XRN2: variants seen among roughly 807,000 people sequenced by gnomAD.
XRN2 encodes the protein DHM1-like protein.
In XRN2, 44 loss-of-function variants were observed where a neutral mutation model predicts 138.5. That is an observed-to-expected ratio of 0.32 (90% CI 0.25 to 0.41). The LOEUF (loss-of-function observed/expected upper bound fraction) is 0.41, where lower values mean the gene tolerates loss of function less well. XRN2 is among the 10% of genes least tolerant of loss of function. The probability of loss-of-function intolerance (pLI) is 1.00; values close to 1 mark genes in which losing one functional copy is unlikely to be tolerated. For synonymous variants in XRN2, 354 were observed against 369.4 expected, an observed-to-expected ratio of 0.96 and a Z score of 0.48; for missense variants, 937 against 1,169.3, an observed-to-expected ratio of 0.80 and a Z score of 2.90.
chr20:21,375,211 T>C (rs1261623533), intron 27 of XRN2, among the ~76,000 whole-genome samples: 3 of 151,416 alleles, frequency 2.0e-5, no homozygotes, highest in Non-Finnish European at 4.4e-5. Flanking sequence ...AGAACCTATT[T>C]AATTTTATTG....
At chr20:21,314,695 A>T (rs1387522659) in intron 1 of XRN2, among the ~76,000 whole-genome samples, 2 of 151,470 alleles carry the variant, frequency 1.3e-5, no homozygotes, top group Non-Finnish European at 2.9e-5. Flanking sequence ...TGTGTTGCCT[A>T]CTGGTCTTGA....
intron 14 of XRN2, among the ~76,000 whole-genome samples, chr20:21,340,312 T>C (rs928251324): frequency 1.1e-4 from 17 of 152,138 alleles, no homozygotes; most frequent in Non-Finnish European, 2.4e-4. Flanking sequence ...AATAAATAAA[T>C]TTAAAAAGTT....
At chr20:21,350,558 T>G (rs1033687238) in intron 20 of XRN2, among the ~76,000 whole-genome samples, 3 of 93,928 alleles carry the variant, frequency 3.2e-5, no homozygotes, top group Non-Finnish European at 6.7e-5. Flanking sequence ...AAAAAAGAAA[T>G]ATCTCTTACA....
At chr20:21,357,205 C>T (rs1187535232) in intron 23 of XRN2, among the ~76,000 whole-genome samples, 2 of 152,008 alleles carry the variant, frequency 1.3e-5, no homozygotes, top group African/African-American at 2.4e-5. Context: ...TAAATATAAC[C>T]ACTATAAACA....
chr20:21,349,056 C>T (rs2038473727), intron 19 of XRN2, among the ~76,000 whole-genome samples: 1 of 152,130 alleles, frequency 6.6e-6, no homozygotes, highest in South Asian at 2.1e-4. Context: ...CACCTGTGAA[C>T]TTGTTTTGTA....
intron 28 of XRN2, 91 bp from the exon 29 acceptor site, chr20:21,386,777 T>C (rs1366771700): frequency 1.3e-5 from 20 of 1,489,106 alleles, no homozygotes; most frequent in Middle Eastern, 3.8e-4. Flanking sequence ...AATTGGATTG[T>C]ACTAAAATTT....
intron 29 of XRN2, 152 bp downstream of exon 29, chr20:21,387,158 T>C (rs2038945359): frequency 9.5e-7 from 1 of 1,056,020 alleles, no homozygotes; most frequent in Non-Finnish European, 1.3e-6. Flanking sequence ...ATTAAAAATG[T>C]ATATGGGTTG....
chr20:21,332,023 A>G (rs894301039), intron 8 of XRN2, among the ~76,000 whole-genome samples: 29 of 152,236 alleles, frequency 1.9e-4, no homozygotes, highest in African/African-American at 7.0e-4. Context: ...TACATTTTTC[A>G]ACCTTTTAAC....
At chr20:21,363,396 T>C (rs1479900608) in intron 24 of XRN2, among the ~76,000 whole-genome samples, 2 of 152,212 alleles carry the variant, frequency 1.3e-5, no homozygotes, top group South Asian at 2.1e-4. Context: ...CAAGTCTTGC[T>C]TTGTTACTTG....
In XRN2 at chr20:21,320,445, G is replaced by C. The variant is rs1481496696; in HGVS notation, c.76-5834G>C. 2.0e-5 allele frequency among the ~76,000 whole-genome samples: 3 copies of C among 149,230 alleles called. No individual in the cohort carries two copies. The East Asian group carries it at 6.0e-4, about 30-fold the overall frequency. Reference sequence around the variant, plus strand: ...CTCCTGAGTAGCTGGCACTACGGGCGCCTGCCACCACATCCGGCTAATTTT... The same window carrying C: ...CTCCTGAGTAGCTGGCACTACGGGCCCCTGCCACCACATCCGGCTAATTTT... On this transcript the variant is annotated intron_variant, in intron 1 of 29. Transcript: ENST00000377191.
Position 21,330,544 on chromosome 20 carries a change from G to A in XRN2, c.486+5G>A. 6.2e-7 allele frequency: 1 copy of A among 1,613,848 alleles called. No homozygotes were observed. Among genetic ancestry groups the A allele is most frequent in the Non-Finnish European group, 8.5e-7 (1 of 1,179,942 alleles). On this transcript the variant is annotated splice_donor_5th_base_variant and intron_variant, in intron 5 of 29. Coordinates refer to ENST00000377191, the MANE Select transcript of XRN2 (RefSeq NM_012255.5). Reference sequence around the variant, plus strand: ...GACAGCAACTGTATTACACCAGTAAGTAGTCTCATACTTTGCTAGCTATTG... The same window carrying A: ...GACAGCAACTGTATTACACCAGTAAATAGTCTCATACTTTGCTAGCTATTG...
rs1029258558 is a variant in XRN2 at position 21,382,167 on chromosome 20, A to G, written c.2648+110A>G. ...TGTGGTTTGAAATGTACTTTTTCCC[A>G]CCAAAAACAATTTCCCTTGTGCCTA... On this transcript the variant is annotated intron_variant, in intron 28 of 29. Transcript: ENST00000377191. The G allele has an allele frequency of 1.5e-4, 126 of 829,914 alleles. 1 individual carries two copies. Among genetic ancestry groups the G allele is most frequent in the South Asian group, 6.7e-4 (27 of 40,052 alleles). 51.4% of individuals were successfully genotyped at this position (829,914 alleles called of 1,614,324 possible).
rs562708312 is a variant in XRN2 at position 21,303,376 on chromosome 20, G to C, written c.-23G>C. The C allele has an allele frequency of 3.9e-6, 6 of 1,541,932 alleles. No individual in the cohort carries two copies. The highest frequency in any genetic ancestry group is 5.2e-6 in the Non-Finnish European group (6 of 1,144,040). ...GGTTACGCTCGTCAGCCGGTCGGCC[G>C]CCGCCTCCAGCCGTGTGCCGCTATG... On this transcript the variant is annotated 5_prime_UTR_variant, in exon 1 of 30. Transcript: ENST00000377191.
chr20:21,346,648 C>T (rs1318368821), intron 17 of XRN2, 98 bp downstream of exon 17: 2 of 1,461,000 alleles, frequency 1.4e-6, no homozygotes, highest in African/African-American at 2.8e-5. Flanking sequence ...GAGACGGAGT[C>T]TTGCCCTGTC....
intron 27 of XRN2, among the ~76,000 whole-genome samples, chr20:21,371,407 G>T (rs545830184): frequency 6.6e-6 from 1 of 152,318 alleles, no homozygotes; most frequent in South Asian, 2.1e-4. Flanking sequence ...GCAAACTATG[G>T]ACTTGTGTTC....
At chr20:21,358,102 C>G (rs1355838636) in intron 24 of XRN2, among the ~76,000 whole-genome samples, 2 of 152,210 alleles carry the variant, frequency 1.3e-5, no homozygotes, top group Non-Finnish European at 2.9e-5. Context: ...TATATAGGAA[C>G]AAACAGAACT....
intron 15 of XRN2, among the ~76,000 whole-genome samples, chr20:21,342,194 A>G (rs963659773): frequency 1.3e-5 from 2 of 152,066 alleles, no homozygotes; most frequent in Admixed American, 6.6e-5. Flanking sequence ...AAAGTTACAG[A>G]TTTCTCGTGT....
rs1555788239 is a variant in XRN2, at chr20:21,377,264, C to CTTTTTTCTTTTTT, written c.2585-4724_2585-4723insCTTTTTTTTTTTT. On this transcript the variant is annotated intron_variant, in intron 27 of 29. Coordinates refer to ENST00000377191, the MANE Select transcript of XRN2 (RefSeq NM_012255.5). ...CCAACATATGATTTGTCGGTTTTTT[C>CTTTTTTCTTTTTT]TTTTTTTTTTTTTTGGTCAGTCTTG... 9.1e-4 allele frequency among the ~76,000 whole-genome samples: 75 copies of CTTTTTTCTTTTTT among 82,802 alleles called. 4 individuals carry two copies. The highest frequency in any genetic ancestry group is 3.9e-3 in the African/African-American group (73 of 18,686). The allele number at this position is 82,802 out of a possible 152,430, so 54.3% of individuals were successfully genotyped here. A position where few individuals can be genotyped will look rare whatever the true frequency, so the allele number is the denominator to read the frequency against.
intron 27 of XRN2, among the ~76,000 whole-genome samples, chr20:21,375,556 A>T (rs1327794868): frequency 2.0e-5 from 3 of 151,606 alleles, no homozygotes; most frequent in African/African-American, 7.3e-5. Context: ...GTACCCATGG[A>T]TTATTTAGAA....
Sources: allele counts gnomAD v4.1 joint callset (sites outside exome capture counted in the v4.1 genomes callset), GRCh38; gene constraint gnomAD v4.1.1; transcripts MANE v1.5; gene names NCBI Gene and HGNC (gene_info 2026-07-23, HGNC 2026-07-21).